PLCZ1: variants seen among roughly 807,000 people sequenced by gnomAD.
PLCZ1 encodes the protein 1-phosphatidylinositol 4,5-bisphosphate phosphodiesterase zeta-1.
PLCZ1 carries 64 observed loss-of-function variants against 76.8 expected under a neutral mutation model. The ratio of observed to expected loss-of-function variants is 0.83; its 90% CI spans 0.68 to 1.03. The LOEUF (loss-of-function observed/expected upper bound fraction) is 1.03. Ranked by LOEUF, PLCZ1 falls within the 50% of genes least tolerant of loss-of-function variation. The pLI, the probability that PLCZ1 is intolerant of heterozygous loss-of-function variation, is 0.00. For synonymous variants in PLCZ1, 248 were observed against 230.8 expected (o/e 1.07, Z -0.68); for missense variants, 751 against 713.7 (o/e 1.05, Z -0.60).
the PLCZ1 span, among the ~76,000 whole-genome samples, chr12:18,653,306 C>A: frequency 0.034 from 5,165 of 152,202 alleles, 271 homozygotes; most frequent in African/African-American, 0.12. Flanking sequence ...ATAGGAAAAA[C>A]TCCAGTGATA....
At chr12:18,679,666 C>G (rs1165118879), downstream of PLCZ1, among the ~76,000 whole-genome samples, 1 of 151,846 alleles carries the variant, frequency 6.6e-6, no homozygotes, top group East Asian at 1.9e-4. Context: ...ATATTAGGCA[C>G]ACATTAGGCC....
chr12:18,707,991 A>T (rs944614570), intron 6 of PLCZ1, among the ~76,000 whole-genome samples: 2 of 152,208 alleles, frequency 1.3e-5, no homozygotes, highest in Non-Finnish European at 2.9e-5. Flanking sequence ...ATCATTTCAC[A>T]GTTACCCTTT....
chr12:18,698,654 G>A (rs1955463000), intron 10 of PLCZ1, among the ~76,000 whole-genome samples: 2 of 151,830 alleles, frequency 1.3e-5, no homozygotes, highest in African/African-American at 4.8e-5. Flanking sequence ...TAATTTTTGT[G>A]GGTACATAGA....
chr12:18,671,570 A>C, the PLCZ1 span, among the ~76,000 whole-genome samples: 11 of 152,088 alleles, frequency 7.2e-5, no homozygotes, highest in Admixed American at 7.2e-4. Flanking sequence ...CAAAACTACA[A>C]ATTTGATTTC....
intron 13 of PLCZ1, among the ~76,000 whole-genome samples, chr12:18,686,526 G>C (rs940668004): frequency 2.0e-5 from 3 of 151,122 alleles, no homozygotes; most frequent in Admixed American, 6.6e-5. Context: ...TCTGTCTCTG[G>C]TATGTTTAAA....
intron 3 of PLCZ1, among the ~76,000 whole-genome samples, chr12:18,731,339 G>A (rs1049162429): frequency 1.3e-5 from 2 of 151,896 alleles, no homozygotes; most frequent in Non-Finnish European, 2.9e-5. Context: ...CAGCCTACAG[G>A]GCAAAGATCA....
At chr12:18,685,462 T>C (rs890361809) in intron 13 of PLCZ1, 8 of 212,590 alleles carry the variant, frequency 3.8e-5, no homozygotes, top group African/African-American at 1.3e-4. Context: ...ACACTTGCTA[T>C]GTCAATAGTT....
chr12:18,723,232 TG>T (rs1260198267), intron 4 of PLCZ1, 78 bp downstream of exon 4: 9 of 1,253,010 alleles, frequency 7.2e-6, no homozygotes, highest in Non-Finnish European at 1.0e-5. Flanking sequence ...AAAAATACTT[TG>T]CTTTGAAATA....
intron 5 of PLCZ1, among the ~76,000 whole-genome samples, chr12:18,715,471 G>A (rs1957875569): frequency 6.6e-6 from 1 of 150,844 alleles, no homozygotes; most frequent in African/African-American, 2.4e-5. Context: ...GCGCGATCTC[G>A]GCTCACTGCA....
the PLCZ1 span, among the ~76,000 whole-genome samples, chr12:18,666,602 A>T: frequency 6.6e-6 from 1 of 152,218 alleles, no homozygotes; most frequent in Non-Finnish European, 1.5e-5. Flanking sequence ...AAAGAAACAG[A>T]TAGTTCAACA....
At chr12:18,729,703 A>G (rs1958939436) in intron 3 of PLCZ1, among the ~76,000 whole-genome samples, 1 of 152,118 alleles carries the variant, frequency 6.6e-6, no homozygotes, top group African/African-American at 2.4e-5. Context: ...TATAAAGACT[A>G]TTGCATGATA....
chr12:18,732,431 C>A (rs1291156613), intron 3 of PLCZ1, among the ~76,000 whole-genome samples: 1 of 152,184 alleles, frequency 6.6e-6, no homozygotes, highest in Admixed American at 6.5e-5. Context: ...GAATTACAGG[C>A]ATGAGCCACC....
the PLCZ1 span, among the ~76,000 whole-genome samples, chr12:18,655,321 G>A: frequency 1.3e-5 from 2 of 152,214 alleles, no homozygotes; most frequent in African/African-American, 4.8e-5. Flanking sequence ...GTTCCCAATG[G>A]CCAAAGCTGG....
At chr12:18,693,421 GTA>G in intron 12 of PLCZ1, 1 of 1,604,310 alleles carries the variant, frequency 6.2e-7, no homozygotes, top group Non-Finnish European at 8.5e-7. Flanking sequence ...GAAGAGATGG[GTA>G]TAAAGCCTCC....
chr12:18,670,713 C>T, the PLCZ1 span, among the ~76,000 whole-genome samples: 3 of 152,082 alleles, frequency 2.0e-5, no homozygotes, highest in Middle Eastern at 3.2e-3. Context: ...AAGTGGCAGG[C>T]ACAGCTCTTC....
At chr12:18,737,874 G>GTC in intron 1 of PLCZ1, 58 bp downstream of exon 1, 1 of 280,754 alleles carries the variant, frequency 3.6e-6, no homozygotes, top group Non-Finnish European at 6.7e-6. Context: ...TGTCACTCTT[G>GTC]AAACTTTGGG....
Position 18,723,464 on chromosome 12 carries a change from C to G in PLCZ1, c.214G>C (p.Glu72Gln), listed in dbSNP as rs750654459. 5 of 1,612,884 alleles carry G rather than the reference C, an allele frequency of 3.1e-6. No individual in the cohort carries two copies. Among genetic ancestry groups the G allele is most frequent in the Non-Finnish European group, 4.2e-6 (5 of 1,179,454 alleles). Residue 72 changes from glutamate (E) to glutamine (Q), a missense_variant, in exon 4 of 15, where the codon GAA becomes CAA. Coordinates refer to ENST00000266505, the MANE Select transcript of PLCZ1 (RefSeq NM_033123.4). ...TATGTGTTGAAAATCTCAATAATTTCTTCTCTGTGCGTGATAATTCGATAA... is the reference window on the plus strand; with the variant it reads ...TATGTGTTGAAAATCTCAATAATTTGTTCTCTGTGCGTGATAATTCGATAA... ...AIYRIITHRE[E>Q]IIEIFNTYSE...
chr12:18,686,764 C>T (rs971528880), intron 13 of PLCZ1, among the ~76,000 whole-genome samples: 4 of 151,970 alleles, frequency 2.6e-5, no homozygotes, highest in Admixed American at 6.6e-5. Context: ...TAGAAGAGTT[C>T]GTTGGTCCAT....
At chr12:18,708,990 CTT>C (rs1459371769) in intron 6 of PLCZ1, among the ~76,000 whole-genome samples, 3 of 151,994 alleles carry the variant, frequency 2.0e-5, no homozygotes, top group Non-Finnish European at 4.4e-5. Flanking sequence ...TGATTGTTTC[CTT>C]TGCTGTGCAA....
Sources: gnomAD v4.1 joint callset for allele counts (sites outside exome capture counted in the v4.1 genomes callset) on GRCh38, gnomAD v4.1.1 for gene constraint, MANE v1.5 for transcripts, NCBI Gene and HGNC (gene_info 2026-07-23, HGNC 2026-07-21) for gene names.